GSG1L: variants seen among roughly 807,000 people sequenced by gnomAD.
The protein encoded by GSG1L is GSG1 like.
GSG1L carries 24 observed loss-of-function variants against 42.1 expected under a neutral mutation model. That is an observed-to-expected ratio of 0.57 (90% confidence interval 0.41 to 0.80). The LOEUF is 0.80. GSG1L is among the 30% of genes least tolerant of loss of function. The pLI is 0.00. For synonymous variants in GSG1L, 215 were observed against 203.5 expected (o/e 1.06, Z -0.48); for missense variants, 445 against 472.2 (o/e 0.94, Z 0.53).
intron 2 of GSG1L, among the ~76,000 whole-genome samples, chr16:27,900,716 A>G (rs2141041990): frequency 6.6e-6 from 1 of 152,302 alleles, no homozygotes; most frequent in Non-Finnish European, 1.5e-5. Context: ...GCATCTGGTG[A>G]AGCCTCATGG....
chr16:27,969,432 G>T (rs566666837), intron 1 of GSG1L, among the ~76,000 whole-genome samples: 1 of 152,286 alleles, frequency 6.6e-6, no homozygotes, highest in Non-Finnish European at 1.5e-5. Flanking sequence ...GACAAGACAT[G>T]AAATGCCATT....
intron 5 of GSG1L, among the ~76,000 whole-genome samples, 190 bp from the exon 6 acceptor site, chr16:27,807,744 C>T (rs1645358): frequency 0.14 from 22,042 of 152,114 alleles, 1,949 homozygotes; most frequent in Non-Finnish European, 0.21. Flanking sequence ...TCCCATTCTA[C>T]TAATGAAGAA....
intron 2 of GSG1L, among the ~76,000 whole-genome samples, chr16:27,897,660 C>A (rs539226678): frequency 7.2e-4 from 109 of 152,300 alleles, no homozygotes; most frequent in African/African-American, 2.5e-3. Flanking sequence ...GCACTGTGGC[C>A]CCCACCATGG....
chr16:27,853,432 C>T (rs2083538564), intron 3 of GSG1L, among the ~76,000 whole-genome samples: 1 of 152,214 alleles, frequency 6.6e-6, no homozygotes, highest in African/African-American at 2.4e-5. Context: ...TAACCTAAAT[C>T]TTTCCCGCTC....
At chr16:28,004,590 CAGAAT>C (rs10578242) in intron 1 of GSG1L, among the ~76,000 whole-genome samples, 100,315 of 150,744 alleles carry the variant, frequency 0.67, 33,626 homozygotes, top group South Asian at 0.86. Flanking sequence ...GCCAGGGCAA[CAGAAT>C]AGAATGAGAC....
intron 1 of GSG1L, among the ~76,000 whole-genome samples, chr16:27,971,787 A>G (rs1317849821): frequency 6.6e-6 from 1 of 152,108 alleles, no homozygotes; most frequent in Non-Finnish European, 1.5e-5. Context: ...GGTTTTTTTA[A>G]TATATGCCCT....
intron 2 of GSG1L, among the ~76,000 whole-genome samples, chr16:27,896,251 A>T (rs2084190946): frequency 6.6e-6 from 1 of 152,150 alleles, no homozygotes; most frequent in Admixed American, 6.5e-5. Flanking sequence ...CTTGGGAACC[A>T]TGTGTCAAGG....
chr16:27,901,966 C>A lies in GSG1L; in HGVS notation c.398-17328G>T, dbSNP rs557119474. On this transcript the variant is annotated intron_variant, in intron 2 of 6. Coordinates refer to ENST00000447459, the MANE Select transcript of GSG1L (RefSeq NM_001109763.2). ...CCAGCGTCACTTGGCCGGCTGCTTC[C>A]CAGCTCAGATGACCCCAACCCCTCC... Among the ~76,000 whole-genome samples, 41 of 152,380 alleles carry A rather than the reference C, an allele frequency of 2.7e-4. 1 individual carries two copies. The highest frequency in any genetic ancestry group is 1.6e-3 in the Admixed American group (24 of 15,308).
chr16:27,944,881 C>T (rs576360562), intron 2 of GSG1L, among the ~76,000 whole-genome samples: 158 of 151,998 alleles, frequency 1.0e-3, no homozygotes, highest in African/African-American at 3.7e-3. Context: ...TCAAGACCGA[C>T]CTGGGCAACA....
intron 1 of GSG1L, among the ~76,000 whole-genome samples, chr16:27,994,299 G>C (rs114579440): frequency 4.9e-4 from 75 of 151,966 alleles, no homozygotes; most frequent in Non-Finnish European, 3.5e-4. Flanking sequence ...AGGTCCCTTG[G>C]GGGGGTTCAG....
intron 5 of GSG1L, among the ~76,000 whole-genome samples, chr16:27,819,318 A>G (rs2083127452): frequency 6.6e-6 from 1 of 151,946 alleles, no homozygotes; most frequent in Non-Finnish European, 1.5e-5. Flanking sequence ...CTAGAATCGC[A>G]TGGGTTAGCA....
chr16:28,033,264 CT>C (rs2085988682), intron 1 of GSG1L, among the ~76,000 whole-genome samples: 1 of 152,218 alleles, frequency 6.6e-6, no homozygotes, highest in South Asian at 2.1e-4. Flanking sequence ...CTTCTCCGAC[CT>C]CACTATCTGA....
intron 1 of GSG1L, among the ~76,000 whole-genome samples, chr16:27,967,350 G>A (rs1353772615): frequency 6.6e-6 from 1 of 152,222 alleles, no homozygotes; most frequent in Admixed American, 6.5e-5. Context: ...GTCAAGCCAA[G>A]GAGGTGCTTC....
chr16:27,979,661 A>AAGAAAGAAAGAAAGAGAGAG, intron 1 of GSG1L, among the ~76,000 whole-genome samples: 1 of 67,696 alleles, frequency 1.5e-5, no homozygotes, highest in Non-Finnish European at 2.8e-5. Flanking sequence ...GAAAGAAAGA[A>AAGAAAGAAAGAAAGAGAGAG]AGAGAGAGAG....
At position 27,960,974 on chromosome 16, in the gene GSG1L, A is replaced by G. The variant is rs1454090160; in HGVS notation, c.397+2182T>C. Among the ~76,000 whole-genome samples the G allele has an allele frequency of 2.0e-5, 3 of 152,120 alleles. No individual in the cohort carries two copies. In the East Asian group the frequency reaches 5.8e-4, roughly 29 times the overall value. On this transcript the variant is annotated intron_variant, in intron 2 of 6. Coordinates refer to ENST00000447459, the MANE Select transcript of GSG1L (RefSeq NM_001109763.2). ...GGGGTTCTTGTAAAAGAAGCAAAAT[A>G]AAGGCCTGATACCTTCTGGAGGGGC...
intron 1 of GSG1L, among the ~76,000 whole-genome samples, chr16:28,056,438 A>C (rs1194912651): frequency 8.3e-6 from 1 of 120,214 alleles, no homozygotes. Flanking sequence ...ACATGGACAC[A>C]GGAAGGGGAA....
intron 3 of GSG1L, among the ~76,000 whole-genome samples, chr16:27,864,376 C>T (rs74015107): frequency 0.012 from 1,824 of 152,268 alleles, 35 homozygotes; most frequent in African/African-American, 0.041. Context: ...CAAGGCAAAA[C>T]GCACAGAAAT....
At chr16:28,019,610 A>G (rs1392022170) in intron 1 of GSG1L, among the ~76,000 whole-genome samples, 1 of 152,190 alleles carries the variant, frequency 6.6e-6, no homozygotes, top group Non-Finnish European at 1.5e-5. Flanking sequence ...TCTGTCTTGC[A>G]CAAGATCCAA....
At chr16:27,839,018 G>A (rs979646398) in intron 4 of GSG1L, among the ~76,000 whole-genome samples, 3 of 152,222 alleles carry the variant, frequency 2.0e-5, no homozygotes, top group Admixed American at 6.5e-5. Context: ...GGCTCTGGTA[G>A]GGTCACAGCA....
Sources: gnomAD v4.1 joint callset for allele counts (sites outside exome capture counted in the v4.1 genomes callset) on GRCh38, gnomAD v4.1.1 for gene constraint, MANE v1.5 for transcripts, NCBI Gene and HGNC (gene_info 2026-07-23, HGNC 2026-07-21) for gene names.